The following CFAP44 variants were observed in gnomAD, a reference collection of about 807,000 sequenced individuals.
CFAP44 encodes the protein cilia- and flagella-associated protein 44.
A neutral mutation model predicts 216.2 loss-of-function variants in CFAP44; 134 were observed. The ratio of observed to expected loss-of-function variants is 0.62; its 90% confidence interval spans 0.54 to 0.72. CFAP44 has a LOEUF of 0.72. Among genes scored for constraint, CFAP44 ranks in the 30% least tolerant of loss-of-function variants. CFAP44 has a pLI of 0.00. For synonymous variants in CFAP44, 700 were observed against 727.6 expected, an observed-to-expected ratio of 0.96 and a Z score of 0.61; for missense variants, 2,035 against 2,182.1, an observed-to-expected ratio of 0.93 and a Z score of 1.34.
rs1410656751 is a variant in CFAP44 at position 113,353,165 on chromosome 3, G to A, written c.3065+5580C>T. ...GGGGAGATGGTAAGGCCTTAAGAGT[G>A]ATGTCTGTATGTGTGTTTGATCTAT... On this transcript the variant is annotated intron_variant, in intron 22 of 34. Transcript: ENST00000393845. Among the ~76,000 whole-genome samples the A allele has an allele frequency of 2.0e-5, 3 of 152,136 alleles. No individual in the cohort carries two copies. In the East Asian group the frequency reaches 5.8e-4, roughly 29 times the overall value.
chr3:113,343,594 G>T (rs1201770798), intron 23 of CFAP44, among the ~76,000 whole-genome samples: 1 of 152,162 alleles, frequency 6.6e-6, no homozygotes, highest in Non-Finnish European at 1.5e-5. Flanking sequence ...CCAAGAATTG[G>T]TAGAATTCAG....
rs1949782678 is a variant in CFAP44 at position 113,287,650 on chromosome 3, A to G, written c.*3907T>C. 1 of 152,366 alleles carries G rather than the reference A, an allele frequency of 6.6e-6. No individual in the cohort carries two copies. Among genetic ancestry groups the G allele is most frequent in the Non-Finnish European group, 1.5e-5 (1 of 68,142 alleles). The allele number at this position is 152,366 out of a possible 1,614,324, so 9.4% of individuals were successfully genotyped here. On this transcript the variant is annotated 3_prime_UTR_variant, in exon 35 of 35. Transcript: ENST00000393845. Reference sequence around the variant, plus strand: ...TGCTTGGATTCATGCAGAACACATTACCGTTTAGTCCACAAGGGAACCGTT... The same window carrying G: ...TGCTTGGATTCATGCAGAACACATTGCCGTTTAGTCCACAAGGGAACCGTT...
chr3:113,305,204 T>C, intron 30 of CFAP44, 52 bp from the exon 31 acceptor site: 2 of 1,443,214 alleles, frequency 1.4e-6, no homozygotes, highest in Non-Finnish European at 1.9e-6. Flanking sequence ...TAAACATACA[T>C]CTAAAGATGG....
At chr3:113,432,125 C>G (rs113839387) in intron 2 of CFAP44, 2 of 152,294 alleles carry the variant, frequency 1.3e-5, no homozygotes, top group African/African-American at 4.8e-5. Context: ...TCTCTTTCCA[C>G]TACATTGTAT....
At position 113,403,426 on chromosome 3, in the gene CFAP44, C is replaced by T. The variant is rs140013993; in HGVS notation, c.1170+426G>A. Reference sequence around the variant, plus strand: ...GCAAGAAGAATGTAGCATCCATAGGCAAACTCCATCAGTTCACCTCTGGGT... The same window carrying T: ...GCAAGAAGAATGTAGCATCCATAGGTAAACTCCATCAGTTCACCTCTGGGT... On this transcript the variant is annotated intron_variant, in intron 9 of 34. Coordinates refer to ENST00000393845, the MANE Select transcript of CFAP44 (RefSeq NM_001164496.2). Among the ~76,000 whole-genome samples, 290 of 152,300 alleles carry T rather than the reference C, an allele frequency of 1.9e-3. 2 individuals carry two copies. The highest frequency in any genetic ancestry group is 5.7e-3 in the African/African-American group (237 of 41,556).
At chr3:113,296,941 G>T in intron 32 of CFAP44, 56 bp from the exon 33 acceptor site, 1 of 1,506,974 alleles carries the variant, frequency 6.6e-7, no homozygotes, top group South Asian at 1.2e-5. Context: ...TGTTATAAAT[G>T]AACACCAGGA....
intron 1 of CFAP44, 42 bp downstream of exon 1, chr3:113,441,411 G>C: frequency 5.1e-6 from 5 of 985,916 alleles, no homozygotes; most frequent in Non-Finnish European, 6.0e-6. Context: ...AGATTTAAGG[G>C]GGAGGGTGTG....
chr3:113,403,959 CT>C lies in CFAP44; in HGVS notation c.1062del (p.Val355TrpfsTer19). ...TTGCTTGTCCCTCGACAGAGCTCCA[CT>C]TTGATCAGACCACCTTCCCAAAGCA... is the stretch of plus-strand genomic sequence containing the variant. ...NMLLWEGGLIKVELCRGTSKS... is the reference protein window; with the variant it reads ...NMLLWEGGLIXVELCRGTSKS... On this transcript the variant is annotated frameshift_variant, in exon 9 of 35. Coordinates refer to ENST00000393845, the MANE Select transcript of CFAP44 (RefSeq NM_001164496.2). LOFTEE classifies it high-confidence loss of function. 6.2e-7 allele frequency: 1 copy of C among 1,614,216 alleles called. No individual in the cohort carries two copies. Among genetic ancestry groups the C allele is most frequent in the Non-Finnish European group, 8.5e-7 (1 of 1,180,022 alleles).
At chr3:113,313,794 C>T (rs755521325) in intron 28 of CFAP44, among the ~76,000 whole-genome samples, 1 of 152,182 alleles carries the variant, frequency 6.6e-6, no homozygotes, top group Non-Finnish European at 1.5e-5. Flanking sequence ...TTTTGCCTCC[C>T]ACCATGATTC....
chr3:113,406,685 T>C (rs1271500225), intron 8 of CFAP44, among the ~76,000 whole-genome samples: 1 of 152,092 alleles, frequency 6.6e-6, no homozygotes, highest in Non-Finnish European at 1.5e-5. Context: ...CTCACATACT[T>C]TATATGTGTG....
intron 21 of CFAP44, 82 bp from the exon 22 acceptor site, chr3:113,358,957 T>A: frequency 1.4e-6 from 2 of 1,443,798 alleles, no homozygotes; most frequent in Non-Finnish European, 1.8e-6. Context: ...CCCAGTTTCA[T>A]GCTGCATCAT....
chr3:113,374,622 A>G (rs1933279681), intron 17 of CFAP44, among the ~76,000 whole-genome samples: 1 of 152,020 alleles, frequency 6.6e-6, no homozygotes, highest in Non-Finnish European at 1.5e-5. Context: ...GGTGGGAACA[A>G]TCCAAGTGTC....
intron 17 of CFAP44, among the ~76,000 whole-genome samples, chr3:113,375,395 G>T (rs1245347666): frequency 6.6e-6 from 1 of 152,062 alleles, no homozygotes; most frequent in Non-Finnish European, 1.5e-5. Flanking sequence ...TAAAATAAAA[G>T]TTACGAAGCT....
At chr3:113,293,785 A>G (rs1317469404) in intron 34 of CFAP44, among the ~76,000 whole-genome samples, 1 of 152,228 alleles carries the variant, frequency 6.6e-6, no homozygotes, top group African/African-American at 2.4e-5. Flanking sequence ...TTCACTTTTC[A>G]TGGAATAAAC....
intron 32 of CFAP44, among the ~76,000 whole-genome samples, chr3:113,297,227 A>G (rs1949890551): frequency 6.6e-6 from 1 of 152,052 alleles, no homozygotes; most frequent in African/African-American, 2.4e-5. Context: ...AGTATTAAGA[A>G]TAGAGCAGGC....
chr3:113,347,494 C>T (rs991266498), intron 22 of CFAP44, among the ~76,000 whole-genome samples: 2 of 152,154 alleles, frequency 1.3e-5, no homozygotes, highest in South Asian at 2.1e-4. Context: ...AAAACTACCC[C>T]GTCTCTGGTG....
At chr3:113,437,569 T>C (rs1345755940) in intron 1 of CFAP44, among the ~76,000 whole-genome samples, 2 of 152,222 alleles carry the variant, frequency 1.3e-5, no homozygotes, top group African/African-American at 4.8e-5. Flanking sequence ...TGTCAGGTTG[T>C]GTACAATGTG....
intron 17 of CFAP44, among the ~76,000 whole-genome samples, chr3:113,375,495 C>T (rs1933314790): frequency 6.6e-6 from 1 of 151,982 alleles, no homozygotes; most frequent in African/African-American, 2.4e-5. Flanking sequence ...ACATACGGAA[C>T]ATGAGAAGGA....
intron 23 of CFAP44, among the ~76,000 whole-genome samples, chr3:113,342,328 G>A (rs1311967025): frequency 6.6e-6 from 1 of 152,040 alleles, no homozygotes. Flanking sequence ...GTGAGACTCT[G>A]TCTCAAACAA....
Sources: allele counts gnomAD v4.1 joint callset (sites outside exome capture counted in the v4.1 genomes callset), GRCh38; gene constraint gnomAD v4.1.1; transcripts MANE v1.5; gene names NCBI Gene and HGNC (gene_info 2026-07-23, HGNC 2026-07-21).